The following BRD4 variants were observed in gnomAD, a reference collection of about 807,000 sequenced individuals.
The protein encoded by BRD4 is bromodomain containing 4, also known as bromodomain-containing protein 4.
In BRD4, 16 loss-of-function variants were observed where a neutral mutation model predicts 142.1. The observed-to-expected ratio is 0.11, with a 90% CI of 0.08 to 0.17. BRD4 has a LOEUF of 0.17. Ranked by LOEUF, BRD4 falls within the 10% of genes least tolerant of loss-of-function variation. The probability of loss-of-function intolerance (pLI) is 1.00; values close to 1 mark genes in which losing one functional copy is unlikely to be tolerated. For missense variants in BRD4, 1,424 were observed against 1,810.9 expected (o/e 0.79, Z 3.88); for synonymous variants, 833 against 707.5 (o/e 1.18, Z -2.82).
intron 7 of BRD4, among the ~76,000 whole-genome samples, chr19:15,258,286 C>T (rs182202675): frequency 5.7e-4 from 86 of 151,418 alleles, no homozygotes; most frequent in Admixed American, 5.9e-4. Flanking sequence ...GGTGTTGATT[C>T]CCTCCCCTCC....
chr19:15,238,265 C>A lies in BRD4; in HGVS notation c.*112G>T. The A allele has an allele frequency of 6.5e-7, 1 of 1,533,902 alleles. No homozygotes were observed. ...GCCCCGGGCATAGCATGCAGGAGGG[C>A]CAGGCCCTGAGGCATCCCCTGGCCG... On this transcript the variant is annotated 3_prime_UTR_variant, in exon 20 of 20. Transcript: ENST00000679869. The surrounding 1 kb of genome is among the most constrained non-coding windows in gnomAD (Gnocchi z 7.2).
At chr19:15,241,868 A>T (rs549879306) in intron 14 of BRD4, among the ~76,000 whole-genome samples, 1 of 142,230 alleles carries the variant, frequency 7.0e-6, no homozygotes, top group Admixed American at 7.5e-5. Flanking sequence ...ACTGGAGTGC[A>T]GTGGCACGAT....
Position 15,238,832 on chromosome 19 carries a change from G to C in BRD4, c.3931C>G (p.Gln1311Glu), listed in dbSNP as rs2047214042. Residue 1311 changes from glutamine (Q) to glutamate (E), a missense_variant, in exon 19 of 20, where the codon CAG becomes GAG. Gln to Glu is a conservative substitution (Grantham distance 29). This residue lies in a region of BRD4 where 109 missense variants were observed against 117.9 expected (regional missense o/e 0.92). Coordinates refer to ENST00000679869, the MANE Select transcript of BRD4 (RefSeq NM_001379291.1). This position sits in a 1 kb window ranked among gnomAD's most constrained non-coding sequence, Gnocchi z 7.2. ...GACTGGGGCTGGGAGCTCTGGGCCT[G>C]TGGGGTGGCGGCGGCAGCCACCGCA... ...AAAVAAAATPQAQSSQPQSML... is the reference protein window; with the variant it reads ...AAAVAAAATPEAQSSQPQSML... 1.9e-6 allele frequency: 3 copies of C among 1,604,204 alleles called. No individual in the cohort carries two copies. Among genetic ancestry groups the C allele is most frequent in the Non-Finnish European group, 1.7e-6 (2 of 1,175,492 alleles).
At chr19:15,309,962 CTCTG>C (rs1857054128) in intron 1 of BRD4, among the ~76,000 whole-genome samples, 1 of 152,154 alleles carries the variant, frequency 6.6e-6, no homozygotes, top group Non-Finnish European at 1.5e-5. Flanking sequence ...CTCACCTGTT[CTCTG>C]TCTGCTCAAG....
intron 6 of BRD4, 132 bp from the exon 7 acceptor site, chr19:15,263,680 T>C (rs1827435803): frequency 8.6e-7 from 1 of 1,164,850 alleles, no homozygotes; most frequent in Non-Finnish European, 1.2e-6. Flanking sequence ...AAGACTCTAG[T>C]GGGGGGACAG....
At chr19:15,331,665 G>A (rs577764745) in intron 1 of BRD4, among the ~76,000 whole-genome samples, 104 of 152,190 alleles carry the variant, frequency 6.8e-4, no homozygotes, top group African/African-American at 2.4e-3. Flanking sequence ...CCGCCGGGAA[G>A]GTGAAGAGAT....
chr19:15,281,346 G>C (rs2045190974), intron 1 of BRD4, among the ~76,000 whole-genome samples: 1 of 152,224 alleles, frequency 6.6e-6, no homozygotes, highest in Admixed American at 6.5e-5. Flanking sequence ...CTTGCTGCTA[G>C]GGGAGAGTGT....
At chr19:15,251,491 A>G (rs2047346072) in intron 11 of BRD4, among the ~76,000 whole-genome samples, 2 of 143,882 alleles carry the variant, frequency 1.4e-5, no homozygotes, top group Admixed American at 7.1e-5. Context: ...TAGGCACCAA[A>G]AGACCAAAGG....
rs753440544 is a variant in BRD4, at chr19:15,244,612, G to GAGACAGACAGAC, written c.2212-24_2212-13dup. On this transcript the variant is annotated splice_polypyrimidine_tract_variant and intron_variant, in intron 12 of 19. Transcript: ENST00000679869. ...TGGTGATGATGGTGCTGCAGACAGA[G>GAGACAGACAGAC]AGACAGACAGACAGACAGGCTGATG... The GAGACAGACAGAC allele has an allele frequency of 6.2e-7, 1 of 1,613,184 alleles. No individual in the cohort carries two copies. The highest frequency in any genetic ancestry group is 8.5e-7 in the Non-Finnish European group (1 of 1,179,896).
At position 15,265,615 on chromosome 19, in the gene BRD4, T is replaced by C; in HGVS notation, c.588A>G (p.Val196=). The part of the protein sequence containing the change: ...TGTAKPGVST[V]PNTTQASTPP... Reference sequence around the variant, plus strand: ...GAGTCGATGCTTGAGTTGTGTTTGGTACCGTGGAAACGCCAGGTTTTGCTG... The same window carrying C: ...GAGTCGATGCTTGAGTTGTGTTTGGCACCGTGGAAACGCCAGGTTTTGCTG... The change falls in exon 5 of 20, where the codon GTA becomes GTG. Residue 196 remains valine, a synonymous_variant. Transcript: ENST00000679869. The C allele has an allele frequency of 6.2e-7, 1 of 1,614,060 alleles. No homozygotes were observed. The highest frequency in any genetic ancestry group is 8.5e-7 in the Non-Finnish European group (1 of 1,180,012).
chr19:15,251,869 C>G (rs1248102860), intron 11 of BRD4, among the ~76,000 whole-genome samples: 1 of 152,150 alleles, frequency 6.6e-6, no homozygotes. Flanking sequence ...AGGCAAAACC[C>G]AAGGTGGGGA....
At position 15,256,947 on chromosome 19, in the gene BRD4, GCCA is replaced by G. The variant is rs762723379; in HGVS notation, c.1551+14_1551+16del. 2 of 1,545,168 alleles carry G rather than the reference GCCA, an allele frequency of 1.3e-6. No homozygotes were observed. The highest frequency in any genetic ancestry group is 2.4e-5 in the South Asian group (2 of 83,480). Reference sequence around the variant, plus strand: ...ACGGACTCTGGGGATTAAGAATGGAGCCACCAATGCCCTCACCTGCTCCTGGAG... The same window carrying G: ...ACGGACTCTGGGGATTAAGAATGGAGCCAATGCCCTCACCTGCTCCTGGAG... On this transcript the variant is annotated intron_variant, in intron 8 of 19. Transcript: ENST00000679869.
chr19:15,253,874 C>T (rs2145564247), intron 11 of BRD4: 1 of 1,145,692 alleles, frequency 8.7e-7, no homozygotes, highest in African/African-American at 1.5e-5. Flanking sequence ...CCATCCAGGG[C>T]TCCGCAGTGT....
In BRD4 at chr19:15,265,419, C is replaced by A; in HGVS notation, c.784G>T (p.Ala262Ser). Residue 262 changes from alanine (A) to serine (S), a missense_variant, in exon 5 of 20, where the codon GCT becomes TCT. Physicochemically the swap from Ala to Ser is moderately conservative, Grantham distance 99 (BLOSUM62 1). Transcript: ENST00000679869. ...CTCTGTACGGGCTGGGGAGCTGGAGCGGGTGGGGGTTGTGGCTGGGGGGGC... is the reference window on the plus strand; with the variant it reads ...CTCTGTACGGGCTGGGGAGCTGGAGAGGGTGGGGGTTGTGGCTGGGGGGGC... ...PVPPQPQPPPAPAPQPVQSHP... is the reference protein window; with the variant it reads ...PVPPQPQPPPSPAPQPVQSHP... 1 of 920,960 alleles carries A rather than the reference C, an allele frequency of 1.1e-6. No individual in the cohort carries two copies. The highest frequency in any genetic ancestry group is 2.4e-5 in the Admixed American group (1 of 41,374). The allele number at this position is 920,960 out of a possible 1,614,324, so 57.0% of individuals were successfully genotyped here.
chr19:15,239,899 C>T lies in BRD4; in HGVS notation c.3282+11G>A. On this transcript the variant is annotated intron_variant, in intron 15 of 19. Coordinates refer to ENST00000679869, the MANE Select transcript of BRD4 (RefSeq NM_001379291.1). This position sits in a 1 kb window ranked among gnomAD's most constrained non-coding sequence, Gnocchi z 7.4. ...TAGCCCACAGGACTATGGCCCAGCC[C>T]TGCCAGTTACCTGTTTCTTAGGCTG... The T allele has an allele frequency of 6.2e-7, 1 of 1,614,128 alleles. No individual in the cohort carries two copies. Among genetic ancestry groups the T allele is most frequent in the Non-Finnish European group, 8.5e-7 (1 of 1,180,016 alleles).
At chr19:15,291,381 G>T (rs2047780853) in intron 1 of BRD4, among the ~76,000 whole-genome samples, 1 of 152,184 alleles carries the variant, frequency 6.6e-6, no homozygotes, top group Non-Finnish European at 1.5e-5. Context: ...GCCCTTGTGG[G>T]TTCACAGGAA....
At chr19:15,306,053 C>A (rs1033320983) in intron 1 of BRD4, among the ~76,000 whole-genome samples, 1 of 152,164 alleles carries the variant, frequency 6.6e-6, no homozygotes, top group East Asian at 1.9e-4. Context: ...TACGGCCTTG[C>A]TAGATTAGGC....
intron 14 of BRD4, 110 bp from the exon 15 acceptor site, chr19:15,240,132 C>A: frequency 7.0e-7 from 1 of 1,437,916 alleles, no homozygotes; most frequent in Non-Finnish European, 9.2e-7. Context: ...CATGTGCCGC[C>A]CAGGCCCTGG....
chr19:15,279,686 G>C (rs1394635347), intron 1 of BRD4, among the ~76,000 whole-genome samples: 1 of 152,188 alleles, frequency 6.6e-6, no homozygotes. Flanking sequence ...GAGGAAAAGA[G>C]AAAGACCACA....
Sources: gnomAD v4.1 joint callset for allele counts (sites outside exome capture counted in the v4.1 genomes callset) on GRCh38, gnomAD v4.1.1 for gene constraint, gnomAD v4.1.1 regional missense constraint, Gnocchi (gnomAD v3.1) non-coding constraint, MANE v1.5 for transcripts, NCBI Gene and HGNC (gene_info 2026-07-23, HGNC 2026-07-21) for gene names.